AP4E1: variants seen among roughly 807,000 people sequenced by gnomAD.
The protein encoded by AP4E1 is AP-4 complex subunit epsilon-1.
Under a neutral mutation model 128.2 loss-of-function variants are expected in AP4E1, and 56 were observed. The ratio of observed to expected loss-of-function variants is 0.44; its 90% CI spans 0.35 to 0.55. AP4E1 has a LOEUF of 0.55. Among genes scored for constraint, AP4E1 ranks in the 20% least tolerant of loss-of-function variants. The probability of loss-of-function intolerance (pLI) is 0.00; values close to 1 mark genes in which losing one functional copy is unlikely to be tolerated. For synonymous variants in AP4E1, 484 were observed against 473.1 expected (o/e 1.02, Z -0.30); for missense variants, 1,324 against 1,307.7 (o/e 1.01, Z -0.19).
chr15:50,928,241 T>C (rs531060506), intron 5 of AP4E1, among the ~76,000 whole-genome samples: 16 of 152,228 alleles, frequency 1.1e-4, no homozygotes, highest in African/African-American at 3.9e-4. Context: ...AAAAGAAACA[T>C]AGAAAGCTAC....
intron 15 of AP4E1, among the ~76,000 whole-genome samples, chr15:50,977,726 T>TTTTTTTTTTTTTG (rs2064577453): frequency 1.3e-5 from 2 of 149,758 alleles, no homozygotes; most frequent in African/African-American, 2.5e-5. Context: ...TTTTTTTTTT[T>TTTTTTTTTTTTTG]AGACAGAGTC....
chr15:50,908,500 T>G, upstream of AP4E1: 1 of 366,762 alleles, frequency 2.7e-6, no homozygotes, highest in Admixed American at 5.0e-5. Context: ...GACTCACGGT[T>G]CTGGGGGATT....
chr15:50,956,789 C>G (rs549950386), intron 13 of AP4E1, among the ~76,000 whole-genome samples: 67 of 152,318 alleles, frequency 4.4e-4, no homozygotes, highest in African/African-American at 1.6e-3. Context: ...CCAACCATAT[C>G]AGAGAGATTT....
At chr15:50,965,593 A>G (rs7175024) in intron 14 of AP4E1, among the ~76,000 whole-genome samples, 21,645 of 152,226 alleles carry the variant, frequency 0.14, 1,642 homozygotes, top group South Asian at 0.19. Flanking sequence ...GATGCATAGG[A>G]CAAGCTATGG....
chr15:50,948,280 C>G, intron 11 of AP4E1, 121 bp downstream of exon 11: 1 of 1,263,950 alleles, frequency 7.9e-7, no homozygotes. Context: ...CTTTTTATTC[C>G]TGATTTTCAA....
At chr15:50,909,849 C>G (rs2063542687) in intron 1 of AP4E1, among the ~76,000 whole-genome samples, 1 of 152,054 alleles carries the variant, frequency 6.6e-6, no homozygotes, top group Non-Finnish European at 1.5e-5. Context: ...CACTGCCTGG[C>G]TAATTTTTTG....
At chr15:50,987,176 G>A (rs1195714454) in intron 16 of AP4E1, among the ~76,000 whole-genome samples, 1 of 152,036 alleles carries the variant, frequency 6.6e-6, no homozygotes, top group South Asian at 2.1e-4. Context: ...ATTTTTTATT[G>A]CATCTATTTG....
intron 6 of AP4E1, among the ~76,000 whole-genome samples, chr15:50,929,710 A>T (rs186836434): frequency 6.6e-6 from 1 of 152,208 alleles, no homozygotes; most frequent in Admixed American, 6.6e-5. Context: ...AACAGATTTC[A>T]TGGCACCTAC....
rs531832405 is a variant in AP4E1, at chr15:50,974,648, A to G, written c.1966+6271A>G. Reference sequence around the variant, plus strand: ...TTTGCATTCCCATCAACAATGGGTAAGGGTTCTGACTTCTTCACATCCTTC... The same window carrying G: ...TTTGCATTCCCATCAACAATGGGTAGGGGTTCTGACTTCTTCACATCCTTC... On this transcript the variant is annotated intron_variant, in intron 15 of 20. Coordinates refer to ENST00000261842, the MANE Select transcript of AP4E1 (RefSeq NM_007347.5). 3.3e-5 allele frequency among the ~76,000 whole-genome samples: 5 copies of G among 152,264 alleles called. No individual in the cohort carries two copies. In the South Asian group the frequency reaches 1.0e-3, roughly 32 times the overall value.
intron 10 of AP4E1, chr15:50,945,126 A>G (rs1236207696): frequency 2.5e-6 from 2 of 802,184 alleles, no homozygotes; most frequent in Non-Finnish European, 4.6e-6. Flanking sequence ...AACATTAGGA[A>G]AGACAGTGTA....
At chr15:50,956,801 A>T (rs1384103813) in intron 13 of AP4E1, among the ~76,000 whole-genome samples, 7 of 152,208 alleles carry the variant, frequency 4.6e-5, no homozygotes, top group Non-Finnish European at 1.0e-4. Context: ...GAGAGATTTC[A>T]TACTTCCTGA....
Position 50,929,007 on chromosome 15 carries a change from A to G in AP4E1, c.543-2A>G. 1 of 1,613,628 alleles carries G rather than the reference A, an allele frequency of 6.2e-7. No individual in the cohort carries two copies. The highest frequency in any genetic ancestry group is 1.1e-5 in the South Asian group (1 of 91,064). ...TGTTTAAATTTCATTTTTTGTCTTC[A>G]GGGAGATTGTACGAAGAAAAGCTGT... On this transcript the variant is annotated splice_acceptor_variant, in intron 5 of 20. Coordinates refer to ENST00000261842, the MANE Select transcript of AP4E1 (RefSeq NM_007347.5). LOFTEE classifies it high-confidence loss of function.
intron 15 of AP4E1, among the ~76,000 whole-genome samples, chr15:50,969,145 C>T (rs1477995333): frequency 6.6e-6 from 1 of 151,946 alleles, no homozygotes; most frequent in African/African-American, 2.4e-5. Flanking sequence ...TTTTCCTGAT[C>T]CTCACCCTCC....
intron 1 of AP4E1, among the ~76,000 whole-genome samples, chr15:50,911,051 T>G (rs2063561486): frequency 6.6e-6 from 1 of 152,254 alleles, no homozygotes; most frequent in South Asian, 2.1e-4. Context: ...TAAAAAGTTA[T>G]TTTTGGTCTT....
chr15:50,920,503 T>A (rs1337301883), intron 3 of AP4E1, among the ~76,000 whole-genome samples: 2 of 149,978 alleles, frequency 1.3e-5, no homozygotes, highest in Non-Finnish European at 3.0e-5. Context: ...GCCTCCTGGG[T>A]TCAAGTGATT....
At chr15:50,958,128 C>T (rs1175967652) in intron 13 of AP4E1, among the ~76,000 whole-genome samples, 1 of 152,096 alleles carries the variant, frequency 6.6e-6, no homozygotes, top group African/African-American at 2.4e-5. Context: ...ACCTTAAGTG[C>T]CTCTTACTAC....
chr15:50,997,775 T>A lies in AP4E1; in HGVS notation c.2796T>A (p.Tyr932Ter). 6.2e-7 allele frequency: 1 copy of A among 1,610,424 alleles called. No individual in the cohort carries two copies. The highest frequency in any genetic ancestry group is 8.5e-7 in the Non-Finnish European group (1 of 1,177,908). ...ATGAAACTATATCAGTGTCTTCTTA[T>A]AAAATTTGGAAAGATGATTGTTTAT... Reference protein sequence around the residue: ...CNNETISVSSYKIWKDDCLLM... With the variant: ...CNNETISVSS The change falls in exon 18 of 21, where the codon TAT (tyrosine) becomes TAA (stop). Residue 932 changes from tyrosine to a stop codon, truncating the protein, a stop_gained. Coordinates refer to ENST00000261842, the MANE Select transcript of AP4E1 (RefSeq NM_007347.5). LOFTEE classifies it high-confidence loss of function.
At chr15:50,929,467 T>C (rs1268448222) in intron 6 of AP4E1, among the ~76,000 whole-genome samples, 1 of 152,092 alleles carries the variant, frequency 6.6e-6, no homozygotes, top group East Asian at 1.9e-4. Context: ...GCAGTAATTC[T>C]CTTTTATATA....
At chr15:50,976,446 C>T (rs1018772833) in intron 15 of AP4E1, among the ~76,000 whole-genome samples, 1 of 151,952 alleles carries the variant, frequency 6.6e-6, no homozygotes, top group Admixed American at 6.6e-5. Flanking sequence ...GATGAAAAAC[C>T]AAAAGCTTTT....
Sources: allele counts gnomAD v4.1 joint callset (sites outside exome capture counted in the v4.1 genomes callset), GRCh38; gene constraint gnomAD v4.1.1; transcripts MANE v1.5; gene names NCBI Gene and HGNC (gene_info 2026-07-23, HGNC 2026-07-21).